Variants in AOPEP observed in about 807,000 individuals in gnomAD.
The protein encoded by AOPEP is aminopeptidase O (putative).
In AOPEP, 77 loss-of-function variants were observed where a neutral mutation model predicts 98.1. The ratio of observed to expected loss-of-function variants is 0.78; its 90% CI spans 0.65 to 0.95. AOPEP has a LOEUF of 0.95. Among genes scored for constraint, AOPEP ranks in the 40% least tolerant of loss-of-function variants. The pLI is 0.00. For synonymous variants in AOPEP, 346 were observed against 365.3 expected (o/e 0.95, Z 0.60); for missense variants, 1,024 against 1,024.7 (o/e 1.00, Z 0.01).
chr9:94,879,395 T>G (rs1180406784), intron 5 of AOPEP, among the ~76,000 whole-genome samples: 1 of 152,232 alleles, frequency 6.6e-6, no homozygotes, highest in Non-Finnish European at 1.5e-5. Context: ...TCTCTTTCAC[T>G]GTCTCAGTTA....
intron 13 of AOPEP, among the ~76,000 whole-genome samples, chr9:95,023,036 C>CT (rs2063578788): frequency 6.6e-6 from 1 of 152,180 alleles, no homozygotes; most frequent in Non-Finnish European, 1.5e-5. Flanking sequence ...CCCTCACCGG[C>CT]TTTTTCACGC....
intron 7 of AOPEP, among the ~76,000 whole-genome samples, chr9:94,948,245 T>A (rs2137748913): frequency 6.6e-6 from 1 of 152,010 alleles, no homozygotes; most frequent in Admixed American, 6.5e-5. Flanking sequence ...TCCATCCAGG[T>A]TATAGCAAAT....
intron 3 of AOPEP, among the ~76,000 whole-genome samples, chr9:94,791,830 T>TA (rs369525787): frequency 1.1e-4 from 17 of 150,922 alleles, no homozygotes; most frequent in African/African-American, 2.7e-4. Flanking sequence ...AAATAAAAGT[T>TA]AAAAAAAAAG....
intron 5 of AOPEP, among the ~76,000 whole-genome samples, chr9:94,832,345 C>G (rs1335071020): frequency 6.6e-6 from 1 of 152,116 alleles, no homozygotes; most frequent in African/African-American, 2.4e-5. Flanking sequence ...AGGAGAAATA[C>G]AAATTAAAAC....
At chr9:94,957,223 G>A (rs1359429213) in intron 9 of AOPEP, among the ~76,000 whole-genome samples, 4 of 151,952 alleles carry the variant, frequency 2.6e-5, no homozygotes, top group Non-Finnish European at 5.9e-5. Context: ...TTTTTTTGTT[G>A]TTGGAGACAG....
At chr9:94,913,803 T>C (rs1336896613) in intron 5 of AOPEP, among the ~76,000 whole-genome samples, 1 of 152,250 alleles carries the variant, frequency 6.6e-6, no homozygotes, top group Non-Finnish European at 1.5e-5. Context: ...ATTTACACTT[T>C]AAACAAACAT....
chr9:95,089,498 G>A (rs1000862530), downstream of AOPEP, among the ~76,000 whole-genome samples: 1 of 152,228 alleles, frequency 6.6e-6, no homozygotes, highest in Non-Finnish European at 1.5e-5. Flanking sequence ...TTTGAACGCA[G>A]GTCCACATGG....
At chr9:94,782,975 G>T (rs1843621437) in intron 3 of AOPEP, among the ~76,000 whole-genome samples, 1 of 152,162 alleles carries the variant, frequency 6.6e-6, no homozygotes, top group African/African-American at 2.4e-5. Context: ...AGTTCTCATT[G>T]CTGTGGATTT....
rs1043788482 is a variant in AOPEP at position 94,947,270 on chromosome 9, C to T, written c.1662-7907C>T. On this transcript the variant is annotated intron_variant, in intron 7 of 16. Transcript: ENST00000375315. Reference sequence around the variant, plus strand: ...TGCTGGGATTACAGGCGTGATCCACCGCACCCGGCCTTTTGTTATTCTTTT... The same window carrying T: ...TGCTGGGATTACAGGCGTGATCCACTGCACCCGGCCTTTTGTTATTCTTTT... 3.3e-5 allele frequency among the ~76,000 whole-genome samples: 5 copies of T among 151,184 alleles called. No homozygotes were observed. The South Asian group carries it at 8.4e-4, about 25-fold the overall frequency.
chr9:94,837,348 C>G (rs930045727), intron 5 of AOPEP, among the ~76,000 whole-genome samples: 2 of 152,174 alleles, frequency 1.3e-5, no homozygotes, highest in Admixed American at 1.3e-4. Flanking sequence ...TGGTACCAAT[C>G]CTAGTGACAT....
At chr9:95,109,294 C>T in the AOPEP span, among the ~76,000 whole-genome samples, 1 of 152,284 alleles carries the variant, frequency 6.6e-6, no homozygotes, top group Non-Finnish European at 1.5e-5. Flanking sequence ...AGTAGCCTTA[C>T]TATTGAAAGT....
chr9:94,826,612 C>G (rs982393260), intron 5 of AOPEP, among the ~76,000 whole-genome samples: 13 of 152,182 alleles, frequency 8.5e-5, no homozygotes, highest in Non-Finnish European at 1.8e-4. Flanking sequence ...TCCAATAAAA[C>G]TTTCTTTAAA....
At chr9:95,061,631 A>G (rs2404456) in intron 14 of AOPEP, among the ~76,000 whole-genome samples, 117,310 of 152,144 alleles carry the variant, frequency 0.77, 47,210 homozygotes, top group Non-Finnish European at 0.89. Context: ...ATGTGTCCCA[A>G]TTGATTATAG....
chr9:95,099,740 G>A, the AOPEP span: 6 of 232,306 alleles, frequency 2.6e-5, no homozygotes, highest in African/African-American at 1.1e-4. Context: ...CGGCAAGGCC[G>A]CCTCCACCGC....
the AOPEP span, chr9:95,135,373 G>C: frequency 6.2e-7 from 1 of 1,613,888 alleles, no homozygotes. Context: ...TAAAGCATTC[G>C]ATCCTTCTCA....
In AOPEP at chr9:95,071,307, A is replaced by C. The variant is rs145509470; in HGVS notation, c.2233-9387A>C. Among the ~76,000 whole-genome samples, 533 of 116,044 alleles carry C rather than the reference A, an allele frequency of 4.6e-3. 3 individuals carry two copies. Among genetic ancestry groups the C allele is most frequent in the African/African-American group, 0.011 (328 of 30,498 alleles). 76.1% of individuals were successfully genotyped at this position (116,044 alleles called of 152,430 possible). A position where few individuals can be genotyped will look rare whatever the true frequency, so the allele number is the denominator to read the frequency against. On this transcript the variant is annotated intron_variant, in intron 14 of 16. Transcript: ENST00000375315. The stretch of plus-strand genomic sequence containing the variant: ...TCCCCCCGCCCCACACACACACACA[A>C]AAAAATGCTCACTGGAGCATTTCAG...
At chr9:94,760,723 C>G (rs1263091735) in intron 2 of AOPEP, 143 bp downstream of exon 2, 1 of 590,852 alleles carries the variant, frequency 1.7e-6, no homozygotes, top group East Asian at 3.0e-5. Flanking sequence ...CTTAGACCTA[C>G]AGTGAAGCAG....
chr9:94,794,971 A>T (rs970749884), intron 4 of AOPEP, among the ~76,000 whole-genome samples: 1 of 152,210 alleles, frequency 6.6e-6, no homozygotes, highest in Admixed American at 6.5e-5. Context: ...TTACTGCAGC[A>T]TATCCTAGCC....
chr9:95,124,449 C>A, the AOPEP span, among the ~76,000 whole-genome samples: 2 of 152,192 alleles, frequency 1.3e-5, no homozygotes. Flanking sequence ...TGTTGCCCAG[C>A]CTCTGCTGCT....
Sources: allele counts gnomAD v4.1 joint callset (sites outside exome capture counted in the v4.1 genomes callset), GRCh38; gene constraint gnomAD v4.1.1; transcripts MANE v1.5; gene names NCBI Gene and HGNC (gene_info 2026-07-23, HGNC 2026-07-21).